Variants in DNAH5 observed in about 807,000 individuals in gnomAD.
DNAH5 encodes dynein axonemal heavy chain 5.
Under a neutral mutation model 518.2 loss-of-function variants are expected in DNAH5, and 372 were observed. The observed-to-expected ratio is 0.72, with a 90% CI of 0.66 to 0.78. DNAH5 has a LOEUF of 0.78. Ranked by LOEUF, DNAH5 falls within the 30% of genes least tolerant of loss-of-function variation. The pLI is 0.00. For synonymous variants in DNAH5, 2,039 were observed against 2,025.9 expected, an observed-to-expected ratio of 1.01 and a Z score of -0.17; for missense variants, 5,523 against 5,687.0, an observed-to-expected ratio of 0.97 and a Z score of 0.93.
chr5:13,780,987 A>ATCTT, intron 52 of DNAH5, 28 bp from the exon 53 acceptor site: 2 of 1,610,992 alleles, frequency 1.2e-6, no homozygotes, highest in Non-Finnish European at 1.7e-6. Flanking sequence ...AAAAGTATGT[A>ATCTT]TCTTTCAACA....
At chr5:13,719,129 G>C (rs1453936398) in intron 71 of DNAH5, 28 bp from the exon 72 acceptor site, 1 of 1,566,414 alleles carries the variant, frequency 6.4e-7, no homozygotes, top group Non-Finnish European at 8.8e-7. Context: ...CGGAAATTAG[G>C]TAGTTTTGTA....
intron 1 of DNAH5, among the ~76,000 whole-genome samples, chr5:13,959,137 G>A (rs891339223): frequency 1.3e-5 from 2 of 152,164 alleles, no homozygotes; most frequent in Admixed American, 6.5e-5. Flanking sequence ...ATTAGAGACG[G>A]GGTTTCACCA....
Position 13,704,650 on chromosome 5 carries a change from C to T in DNAH5, c.13339-3214G>A, listed in dbSNP as rs539391500. On this transcript the variant is annotated intron_variant, in intron 76 of 78. Transcript: ENST00000265104. ...AACCACAACCTCCACTTCTAGTTCACTTGTTCAAGGACAGTCCTTTGACCT... is the reference window on the plus strand; with the variant it reads ...AACCACAACCTCCACTTCTAGTTCATTTGTTCAAGGACAGTCCTTTGACCT... 5.0e-4 allele frequency among the ~76,000 whole-genome samples: 76 copies of T among 152,362 alleles called. 2 individuals carry two copies. The Middle Eastern group carries it at 0.014, about 27-fold the overall frequency.
chr5:13,892,324 C>T (rs1387182387), intron 16 of DNAH5, among the ~76,000 whole-genome samples: 3 of 152,162 alleles, frequency 2.0e-5, no homozygotes, highest in Non-Finnish European at 4.4e-5. Context: ...ATCCTAATCT[C>T]CTGTGAATGT....
intron 23 of DNAH5, 112 bp downstream of exon 23, chr5:13,871,452 C>T: frequency 1.1e-6 from 1 of 929,202 alleles, no homozygotes. Flanking sequence ...AAGCTTGAGG[C>T]CCATAAAGTC....
chr5:13,871,317 A>G (rs1201091800), intron 23 of DNAH5, among the ~76,000 whole-genome samples: 3 of 152,244 alleles, frequency 2.0e-5, no homozygotes, highest in Non-Finnish European at 2.9e-5. Flanking sequence ...AATTCAAAAT[A>G]TAACAGACAT....
Position 13,913,784 on chromosome 5 carries a change from A to C in DNAH5, c.1495T>G (p.Ser499Ala). 6.2e-7 allele frequency: 1 copy of C among 1,613,608 alleles called. No individual in the cohort carries two copies. Among genetic ancestry groups the C allele is most frequent in the Admixed American group, 1.7e-5 (1 of 60,002 alleles). Residue 499 changes from serine to alanine, a missense_variant, in exon 11 of 79, where the codon TCC becomes GCC. Ser to Ala is a moderately conservative substitution (Grantham distance 99). Transcript: ENST00000265104. ...TLKTYSVLQD[S>A]TIEGLEDMAT... ...ATGTCTTCCAGCCCTTCAATTGTGG[A>C]ATCTTGCAGGACTGAATACGTCTTG...
intron 77 of DNAH5, 121 bp from the exon 78 acceptor site, chr5:13,700,992 A>G: frequency 1.8e-6 from 2 of 1,096,924 alleles, no homozygotes; most frequent in Non-Finnish European, 2.7e-6. Flanking sequence ...AATAGTATTT[A>G]AAGAATTAGC....
At chr5:13,826,647 C>T (rs1762927163) in intron 38 of DNAH5, among the ~76,000 whole-genome samples, 1 of 152,230 alleles carries the variant, frequency 6.6e-6, no homozygotes. Flanking sequence ...CTCAGCCATG[C>T]TGAAGTGTGA....
chr5:13,921,974 A>C (rs1404216511), intron 5 of DNAH5, 133 bp downstream of exon 5: 3 of 888,440 alleles, frequency 3.4e-6, no homozygotes, highest in Non-Finnish European at 3.7e-6. Flanking sequence ...GGAGCAATAA[A>C]ATTGCCTACA....
intron 53 of DNAH5, among the ~76,000 whole-genome samples, chr5:13,780,102 C>T (rs1308103928): frequency 1.3e-5 from 2 of 152,170 alleles, no homozygotes; most frequent in Non-Finnish European, 1.5e-5. Flanking sequence ...CCAGGACTGA[C>T]TTTACCTGTG....
At position 13,708,323 on chromosome 5, in the gene DNAH5, G is replaced by C. The variant is rs1743061405; in HGVS notation, c.13138C>G (p.Leu4380Val). 1.2e-6 allele frequency: 2 copies of C among 1,613,976 alleles called. No individual in the cohort carries two copies. Among genetic ancestry groups the C allele is most frequent in the Non-Finnish European group, 1.7e-6 (2 of 1,179,976 alleles). ...DYVPFEVKER[L>V]QKMGPFQPMN... ...GGCTGGAATGGCCCCATCTTCTGCA[G>C]CCTCTCTTTTACCTGCCATGGAGAC... The change falls in exon 76 of 79, where the codon CTG becomes GTG. Residue 4380 changes from leucine (L) to valine (V), a missense_variant. Physicochemically the swap from Leu to Val is conservative, Grantham distance 32. This residue lies in a region of DNAH5 where 387 missense variants were observed against 430.0 expected (regional missense o/e 0.90). Transcript: ENST00000265104.
At chr5:13,861,356 G>T (rs984448589) in intron 29 of DNAH5, among the ~76,000 whole-genome samples, 1 of 152,132 alleles carries the variant, frequency 6.6e-6, no homozygotes, top group African/African-American at 2.4e-5. Flanking sequence ...CAAGTAAACT[G>T]AAATAAGAGA....
intron 2 of DNAH5, among the ~76,000 whole-genome samples, chr5:13,929,779 G>A (rs868452539): frequency 7.2e-5 from 11 of 152,106 alleles, no homozygotes; most frequent in Admixed American, 2.6e-4. Flanking sequence ...CCTTGACATA[G>A]GAGTTTAACC....
intron 16 of DNAH5, among the ~76,000 whole-genome samples, chr5:13,892,774 T>A (rs1167268064): frequency 6.6e-6 from 1 of 152,218 alleles, no homozygotes; most frequent in East Asian, 1.9e-4. Flanking sequence ...AAGTGCCTCC[T>A]TAGGAAATTT....
At chr5:14,001,973 A>G (rs1327612819) in intron 1 of DNAH5, among the ~76,000 whole-genome samples, 3 of 151,620 alleles carry the variant, frequency 2.0e-5, no homozygotes, top group Non-Finnish European at 2.9e-5. Context: ...ATCTCAGCTC[A>G]CTGCAACCTC....
In DNAH5 at chr5:13,777,365, T is replaced by C; in HGVS notation, c.8952-10A>G. On this transcript the variant is annotated splice_polypyrimidine_tract_variant and intron_variant, in intron 53 of 78. Coordinates refer to ENST00000265104, the MANE Select transcript of DNAH5 (RefSeq NM_001369.3). ...TGATGTGTTGTAGGATCTAAAGAAA[T>C]ATTTTCATTTTGTCATTAGCTAAAA... The C allele has an allele frequency of 6.2e-7, 1 of 1,611,676 alleles. No individual in the cohort carries two copies. The highest frequency in any genetic ancestry group is 8.5e-7 in the Non-Finnish European group (1 of 1,178,448).
At chr5:13,871,456 T>A in intron 23 of DNAH5, 108 bp downstream of exon 23, 1 of 1,010,352 alleles carries the variant, frequency 9.9e-7, no homozygotes, top group Non-Finnish European at 1.5e-6. Flanking sequence ...TTGAGGCCCA[T>A]AAAGTCAATC....
intron 1 of DNAH5, 58 bp downstream of exon 1, chr5:13,944,324 G>A (rs1214370447): frequency 6.4e-7 from 1 of 1,557,182 alleles, no homozygotes; most frequent in Admixed American, 1.7e-5. Context: ...TTTCCACCCA[G>A]GTGTGACAGA....
Sources: gnomAD v4.1 joint callset for allele counts (sites outside exome capture counted in the v4.1 genomes callset) on GRCh38, gnomAD v4.1.1 for gene constraint, gnomAD v4.1.1 regional missense constraint, MANE v1.5 for transcripts, NCBI Gene and HGNC (gene_info 2026-07-23, HGNC 2026-07-21) for gene names.